The following DHX30 variants were observed in gnomAD, a reference collection of about 807,000 sequenced individuals.
The protein encoded by DHX30 is ATP-dependent RNA helicase DHX30.
Under a neutral mutation model 116.9 loss-of-function variants are expected in DHX30, and 4 were observed. The ratio of observed to expected loss-of-function variants is 0.03; its 90% CI spans 0.02 to 0.08. DHX30 has a LOEUF of 0.08. Ranked by LOEUF, DHX30 falls within the 10% of genes least tolerant of loss-of-function variation. DHX30 has a pLI of 1.00. For synonymous variants in DHX30, 697 were observed against 651.7 expected (o/e 1.07, Z -1.06); for missense variants, 871 against 1,595.1 (o/e 0.55, Z 7.73).
chr3:47,841,952 G>A (rs1036899613), intron 8 of DHX30: 2 of 614,610 alleles, frequency 3.3e-6, no homozygotes, highest in East Asian at 5.8e-5. Flanking sequence ...GGGGCCGCAA[G>A]AGCAGAAGAC....
At chr3:47,827,306 G>T in intron 4 of DHX30, 41 bp from the exon 5 acceptor site, 2 of 1,569,772 alleles carry the variant, frequency 1.3e-6, no homozygotes, top group East Asian at 2.3e-5. Context: ...GTTTTTAAAA[G>T]AAAAAGAACA....
At chr3:47,809,828 G>A (rs2035711319) in intron 2 of DHX30, among the ~76,000 whole-genome samples, 1 of 152,190 alleles carries the variant, frequency 6.6e-6, no homozygotes, top group Non-Finnish European at 1.5e-5. Flanking sequence ...TAAACACTGT[G>A]TAGATGTTTT....
chr3:47,825,092 TGCAGCC>T, intron 4 of DHX30: 1 of 671,166 alleles, frequency 1.5e-6, no homozygotes, highest in Non-Finnish European at 2.7e-6. Context: ...TCTCCGCGCC[TGCAGCC>T]GCTGGGTCCC....
intron 10 of DHX30, 53 bp downstream of exon 10, chr3:47,845,905 C>T: frequency 6.5e-7 from 1 of 1,550,356 alleles, no homozygotes. Context: ...CTGCCTCCAT[C>T]TCTCCAGACT....
chr3:47,808,159 C>A (rs553953594), intron 2 of DHX30, among the ~76,000 whole-genome samples: 1 of 152,050 alleles, frequency 6.6e-6, no homozygotes, highest in South Asian at 2.1e-4. Flanking sequence ...ATCTGCTTGC[C>A]TCGGCCTCCC....
At chr3:47,836,752 C>T (rs1049828322) in intron 6 of DHX30, among the ~76,000 whole-genome samples, 4 of 151,900 alleles carry the variant, frequency 2.6e-5, no homozygotes, top group Admixed American at 6.6e-5. Context: ...CTCCTGACCT[C>T]GCGATCTGCC....
At chr3:47,831,550 G>A (rs1419878709) in intron 6 of DHX30, among the ~76,000 whole-genome samples, 2 of 151,752 alleles carry the variant, frequency 1.3e-5, no homozygotes, top group African/African-American at 4.8e-5. Context: ...TTTTCTATAG[G>A]CCTCAAAAAT....
At chr3:47,833,967 T>A (rs1186829138) in intron 6 of DHX30, among the ~76,000 whole-genome samples, 1 of 152,186 alleles carries the variant, frequency 6.6e-6, no homozygotes, top group Non-Finnish European at 1.5e-5. Context: ...ACTCTTCTTA[T>A]ATATATGTAA....
intron 6 of DHX30, among the ~76,000 whole-genome samples, chr3:47,836,951 C>G (rs1041230946): frequency 5.9e-5 from 9 of 152,196 alleles, no homozygotes; most frequent in African/African-American, 2.2e-4. Flanking sequence ...CAGCGTTTCC[C>G]TTTCCCCCCA....
intron 6 of DHX30, among the ~76,000 whole-genome samples, chr3:47,833,641 C>T (rs979989301): frequency 6.6e-6 from 1 of 151,018 alleles, no homozygotes; most frequent in African/African-American, 2.4e-5. Flanking sequence ...TGGCGGATCA[C>T]GAGGTCAGGA....
At chr3:47,828,941 C>T in intron 5 of DHX30, 83 bp from the exon 6 acceptor site, 2 of 791,334 alleles carry the variant, frequency 2.5e-6, no homozygotes, top group Non-Finnish European at 4.3e-6. Flanking sequence ...CTGTGAGGTC[C>T]ACCACTGTTT....
Position 47,849,975 on chromosome 3 carries a change from G to A in DHX30, c.3440G>A (p.Arg1147His), listed in dbSNP as rs769955322. The stretch of plus-strand genomic sequence containing the variant: ...AAGGAGCTGCGGCGGGCCCTGGGCC[G>A]CATGGTGGAGCGGAGCCTGCGCAGC... ...LLKELRRALG[R>H]MVERSLRSEL... Residue 1147 changes from arginine to histidine, a missense_variant, in exon 22 of 22, where the codon CGC becomes CAC. Physicochemically the swap from Arg to His is conservative, Grantham distance 29. Coordinates refer to ENST00000445061, the MANE Select transcript of DHX30 (RefSeq NM_138615.3). 2.5e-6 allele frequency: 4 copies of A among 1,612,454 alleles called. No individual in the cohort carries two copies. Among genetic ancestry groups the A allele is most frequent in the East Asian group, 2.2e-5 (1 of 44,878 alleles).
rs3796188 is a variant in DHX30, at chr3:47,818,922, T to C, written c.124+805T>C. Among the ~76,000 whole-genome samples, 156 of 152,306 alleles carry C rather than the reference T, an allele frequency of 1.0e-3. 5 individuals carry two copies. The East Asian group carries it at 0.029, about 28-fold the overall frequency. ...AGCCCTGTTTTAGGTCATAGGGTCA[T>C]TGTCTCATCTAGAGACAGCATGTCT... On this transcript the variant is annotated intron_variant, in intron 4 of 21. Transcript: ENST00000445061.
intron 6 of DHX30, among the ~76,000 whole-genome samples, chr3:47,839,280 C>A (rs1286593966): frequency 2.3e-5 from 3 of 129,808 alleles, no homozygotes; most frequent in Non-Finnish European, 4.9e-5. Flanking sequence ...CTTATATTCT[C>A]TTTTTTTTTT....
chr3:47,839,833 G>A (rs1177465330), intron 6 of DHX30, among the ~76,000 whole-genome samples: 2 of 151,434 alleles, frequency 1.3e-5, no homozygotes, highest in African/African-American at 4.9e-5. Context: ...CCACCACCAC[G>A]CCCGGCTAAT....
rs773423453 is a variant in DHX30 at position 47,843,119 on chromosome 3, T to G, written c.803T>G (p.Phe268Cys). Residue 268 changes from phenylalanine to cysteine, a missense_variant, in exon 9 of 22, where the codon TTC becomes TGC. Phe to Cys is a radical substitution (Grantham distance 205). Transcript: ENST00000445061. ...CCTTCCATGTAGAACCTCATGCAGTTCCATACTGTGGGCACCAAGACCAAG... is the reference window on the plus strand; with the variant it reads ...CCTTCCATGTAGAACCTCATGCAGTGCCATACTGTGGGCACCAAGACCAAG... Reference protein sequence around the residue: ...SSSTAKNLMQFHTVGTKTKLS... With the variant: ...SSSTAKNLMQCHTVGTKTKLS... The G allele has an allele frequency of 2.5e-6, 4 of 1,614,252 alleles. No homozygotes were observed. In the East Asian group the frequency reaches 8.9e-5, roughly 36 times the overall value.
At chr3:47,803,567 A>T (rs1292322000) in intron 1 of DHX30, among the ~76,000 whole-genome samples, 1 of 152,116 alleles carries the variant, frequency 6.6e-6, no homozygotes, top group Admixed American at 6.5e-5. Flanking sequence ...CCGTTTCCCC[A>T]GGCAGGGCCT....
Position 47,847,229 on chromosome 3 carries a change from C to G in DHX30, c.1930-44C>G. 1.9e-6 allele frequency: 3 copies of G among 1,613,250 alleles called. No individual in the cohort carries two copies. Among genetic ancestry groups the G allele is most frequent in the Non-Finnish European group, 2.5e-6 (3 of 1,179,170 alleles). On this transcript the variant is annotated intron_variant, in intron 11 of 21. Transcript: ENST00000445061. The surrounding 1 kb of genome is among the most constrained non-coding windows in gnomAD (Gnocchi z 5.5). The stretch of plus-strand genomic sequence containing the variant: ...GGTGGCTGTGTCCTTGGCATGACCC[C>G]TTACCCCGGGGCTGTGACTGTGGCC...
At chr3:47,810,963 T>C (rs1279568075) in intron 3 of DHX30, among the ~76,000 whole-genome samples, 3 of 152,132 alleles carry the variant, frequency 2.0e-5, no homozygotes, top group Non-Finnish European at 2.9e-5. Context: ...TTTTTTTTTT[T>C]TCTGAGATGG....
Sources: allele counts gnomAD v4.1 joint callset (sites outside exome capture counted in the v4.1 genomes callset), GRCh38; gene constraint gnomAD v4.1.1; non-coding constraint Gnocchi (gnomAD v3.1); transcripts MANE v1.5; gene names NCBI Gene and HGNC (gene_info 2026-07-23, HGNC 2026-07-21).